Variants in PCNX2 observed in about 807,000 individuals in gnomAD.
The protein encoded by PCNX2 is pecanex 2.
In PCNX2, 168 loss-of-function variants were observed where a neutral mutation model predicts 223.8. The observed-to-expected ratio is 0.75, with a 90% confidence interval of 0.66 to 0.85. The LOEUF (loss-of-function observed/expected upper bound fraction) is 0.85. Among genes scored for constraint, PCNX2 ranks in the 40% least tolerant of loss-of-function variants. PCNX2 has a pLI of 0.00. For synonymous variants in PCNX2, 1,006 were observed against 1,052.6 expected (o/e 0.96, Z 0.86); for missense variants, 2,507 against 2,675.5 (o/e 0.94, Z 1.39).
At chr1:233,023,685 C>T (rs914531262) in intron 26 of PCNX2, among the ~76,000 whole-genome samples, 3 of 152,184 alleles carry the variant, frequency 2.0e-5, no homozygotes, top group Non-Finnish European at 2.9e-5. Context: ...AATCTTCCCC[C>T]ATTTACATTA....
the PCNX2 span, among the ~76,000 whole-genome samples, chr1:233,321,685 C>T: frequency 0.23 from 34,279 of 152,116 alleles, 4,596 homozygotes; most frequent in East Asian, 0.4. Context: ...GAATATTAAT[C>T]ACCTGTACTG....
intron 9 of PCNX2, among the ~76,000 whole-genome samples, chr1:233,231,997 T>C (rs1658091434): frequency 6.6e-6 from 1 of 152,150 alleles, no homozygotes; most frequent in African/African-American, 2.4e-5. Context: ...AATATGAGAG[T>C]ACCTAGCCCA....
At chr1:233,129,152 G>A (rs1417785911) in intron 21 of PCNX2, among the ~76,000 whole-genome samples, 3 of 152,252 alleles carry the variant, frequency 2.0e-5, no homozygotes, top group Admixed American at 6.5e-5. Flanking sequence ...CCTGGGCTGT[G>A]CGTGGCGCTT....
At chr1:233,016,688 T>G (rs1670675819) in intron 27 of PCNX2, 1 of 828,814 alleles carries the variant, frequency 1.2e-6, no homozygotes, top group Non-Finnish European at 1.5e-6. Context: ...TCGCTGGCCC[T>G]GAGCACTGCA....
the PCNX2 span, among the ~76,000 whole-genome samples, chr1:233,306,675 C>T: frequency 6.6e-6 from 1 of 152,058 alleles, no homozygotes; most frequent in African/African-American, 2.4e-5. Context: ...ACAAATAAAC[C>T]AAAATATGTG....
At chr1:233,132,215 G>T in intron 21 of PCNX2, among the ~76,000 whole-genome samples, 1 of 151,922 alleles carries the variant, frequency 6.6e-6, no homozygotes, top group Non-Finnish European at 1.5e-5. Flanking sequence ...TACCCTCCTC[G>T]GCATCCCAAA....
intron 1 of PCNX2, among the ~76,000 whole-genome samples, chr1:233,289,641 A>AATT (rs1288271965): frequency 1.3e-5 from 2 of 152,262 alleles, no homozygotes; most frequent in Non-Finnish European, 2.9e-5. Flanking sequence ...CAATGCAAGA[A>AATT]TAAATAAGGC....
intron 12 of PCNX2, among the ~76,000 whole-genome samples, chr1:233,214,515 G>T (rs1435072293): frequency 2.0e-5 from 3 of 152,168 alleles, no homozygotes; most frequent in Non-Finnish European, 2.9e-5. Context: ...TAGAGGGGAG[G>T]GGGGAAATCG....
At chr1:233,082,599 T>C (rs959782339) in intron 23 of PCNX2, among the ~76,000 whole-genome samples, 18 of 152,200 alleles carry the variant, frequency 1.2e-4, no homozygotes, top group Non-Finnish European at 2.2e-4. Context: ...AAGGGCAGCT[T>C]TTAATTGCAT....
intron 12 of PCNX2, among the ~76,000 whole-genome samples, chr1:233,215,144 C>G (rs1682047496): frequency 6.6e-6 from 1 of 152,178 alleles, no homozygotes; most frequent in Admixed American, 6.5e-5. Context: ...TGTCCCAAAC[C>G]TGGGTTCCCG....
chr1:233,018,673 C>T (rs548518622), intron 26 of PCNX2: 6 of 743,374 alleles, frequency 8.1e-6, no homozygotes, highest in East Asian at 1.3e-4. Context: ...TCCCTGCCAG[C>T]GTGCACCGCA....
intron 21 of PCNX2, among the ~76,000 whole-genome samples, chr1:233,107,447 G>C (rs1674863197): frequency 6.6e-6 from 1 of 151,760 alleles, no homozygotes; most frequent in Non-Finnish European, 1.5e-5. Flanking sequence ...ATTTATCCTG[G>C]GTAAGGCTAT....
chr1:233,235,419 G>C (rs531218273), intron 9 of PCNX2, among the ~76,000 whole-genome samples: 1 of 151,972 alleles, frequency 6.6e-6, no homozygotes, highest in Non-Finnish European at 1.5e-5. Flanking sequence ...CCAAAGTGTT[G>C]GGATTACAGG....
intron 32 of PCNX2, among the ~76,000 whole-genome samples, chr1:232,992,321 G>A (rs1465785748): frequency 6.6e-6 from 1 of 152,206 alleles, no homozygotes; most frequent in East Asian, 1.9e-4. Flanking sequence ...GCCCCTGCTG[G>A]CTGCTTCAGA....
At chr1:233,264,635 G>A (rs1441943891) in intron 1 of PCNX2, among the ~76,000 whole-genome samples, 1 of 152,066 alleles carries the variant, frequency 6.6e-6, no homozygotes, top group East Asian at 1.9e-4. Context: ...TAAATATAAA[G>A]CAAGCAATAA....
intron 9 of PCNX2, among the ~76,000 whole-genome samples, chr1:233,229,057 G>A (rs1035946121): frequency 1.3e-5 from 2 of 152,186 alleles, no homozygotes; most frequent in Non-Finnish European, 1.5e-5. Context: ...CAAAGCACAA[G>A]GTTATACATG....
intron 15 of PCNX2, among the ~76,000 whole-genome samples, chr1:233,189,716 G>T (rs1011880786): frequency 6.6e-6 from 1 of 152,106 alleles, no homozygotes; most frequent in Non-Finnish European, 1.5e-5. Flanking sequence ...TTAAGGATAC[G>T]TGGGAAACAT....
intron 17 of PCNX2, among the ~76,000 whole-genome samples, chr1:233,165,844 T>G (rs1406001031): frequency 6.6e-6 from 1 of 152,194 alleles, no homozygotes; most frequent in African/African-American, 2.4e-5. Flanking sequence ...AGCAGAATTT[T>G]TTTTAGAAAC....
intron 8 of PCNX2, among the ~76,000 whole-genome samples, chr1:233,250,194 G>A (rs1659370367): frequency 2.6e-5 from 4 of 152,182 alleles, no homozygotes; most frequent in Admixed American, 2.0e-4. Context: ...CTGACAAGAC[G>A]TACAGTTTTC....
Sources: allele counts gnomAD v4.1 joint callset (sites outside exome capture counted in the v4.1 genomes callset), GRCh38; gene constraint gnomAD v4.1.1; transcripts MANE v1.5; gene names NCBI Gene and HGNC (gene_info 2026-07-23, HGNC 2026-07-21).